The following GLB1 variants were observed in gnomAD, a reference collection of about 807,000 sequenced individuals.
GLB1 encodes beta-galactosidase.
GLB1 carries 56 observed loss-of-function variants against 74.0 expected under a neutral mutation model. That is an observed-to-expected ratio of 0.76 (90% confidence interval 0.61 to 0.94). GLB1 has a LOEUF of 0.94. GLB1 is among the 40% of genes least tolerant of loss of function. GLB1 has a pLI of 0.00. For synonymous variants in GLB1, 323 were observed against 323.6 expected, an observed-to-expected ratio of 1.00 and a Z score of 0.02; for missense variants, 787 against 845.5, an observed-to-expected ratio of 0.93 and a Z score of 0.86.
At chr3:32,976,370 A>G in the GLB1 span, among the ~76,000 whole-genome samples, 3 of 152,302 alleles carry the variant, frequency 2.0e-5, no homozygotes, top group East Asian at 1.9e-4. Context: ...TTTCCCCTCC[A>G]TGGCTGGTTC....
intron 15 of GLB1, among the ~76,000 whole-genome samples, chr3:32,998,461 A>G (rs1696408116): frequency 6.6e-6 from 1 of 151,206 alleles, no homozygotes; most frequent in Non-Finnish European, 1.5e-5. Context: ...GTGAGCTGAG[A>G]TTGCGCCACT....
chr3:33,090,367 A>C, intron 1 of GLB1: 1 of 983,738 alleles, frequency 1.0e-6, no homozygotes. Flanking sequence ...TACATGTACG[A>C]AAAGTTTAAA....
At chr3:33,025,175 T>C (rs1456988863) in intron 10 of GLB1, among the ~76,000 whole-genome samples, 1 of 152,104 alleles carries the variant, frequency 6.6e-6, no homozygotes, top group African/African-American at 2.4e-5. Flanking sequence ...GAACTCCTGA[T>C]CTCAGGTGAT....
At chr3:32,961,423 G>A in the GLB1 span, among the ~76,000 whole-genome samples, 7 of 152,234 alleles carry the variant, frequency 4.6e-5, no homozygotes, top group Non-Finnish European at 1.0e-4. Context: ...TGCACAGTGA[G>A]GTGCAGGAAG....
At chr3:33,096,118 A>G (rs1248425145) in intron 1 of GLB1, among the ~76,000 whole-genome samples, 1 of 152,182 alleles carries the variant, frequency 6.6e-6, no homozygotes, top group Non-Finnish European at 1.5e-5. Flanking sequence ...TCTTACTTAA[A>G]GCATACTGCA....
the GLB1 span, among the ~76,000 whole-genome samples, chr3:32,964,482 A>G: frequency 6.6e-5 from 10 of 152,334 alleles, no homozygotes; most frequent in East Asian, 1.3e-3. Flanking sequence ...TGTTCATTCT[A>G]TTACTAGAAA....
intron 14 of GLB1, among the ~76,000 whole-genome samples, chr3:33,016,033 A>T (rs1410164278): frequency 6.6e-6 from 1 of 152,180 alleles, no homozygotes; most frequent in Non-Finnish European, 1.5e-5. Context: ...TATTTGGGCT[A>T]CACATCTGGA....
At chr3:33,065,410 T>C (rs188480346) in intron 5 of GLB1, 53 bp downstream of exon 5, 34 of 1,545,474 alleles carry the variant, frequency 2.2e-5, no homozygotes, top group Non-Finnish European at 2.8e-5. Flanking sequence ...TTATGTAATG[T>C]AGATGGATGG....
the GLB1 span, among the ~76,000 whole-genome samples, chr3:32,981,836 T>G: frequency 6.6e-6 from 1 of 152,194 alleles, no homozygotes; most frequent in Non-Finnish European, 1.5e-5. Context: ...TGTTTTTTGG[T>G]TTGTATTTGC....
intron 10 of GLB1, among the ~76,000 whole-genome samples, chr3:33,041,635 T>G (rs1166067195): frequency 2.0e-5 from 3 of 146,696 alleles, no homozygotes; most frequent in African/African-American, 7.6e-5. Flanking sequence ...GCACTCATTC[T>G]GGACAACAGA....
At chr3:33,053,683 G>T in intron 6 of GLB1, 134 bp from the exon 7 acceptor site, 1 of 1,204,214 alleles carries the variant, frequency 8.3e-7, no homozygotes, top group Non-Finnish European at 1.2e-6. Flanking sequence ...AAATTCTCAT[G>T]TTGGAACTTA....
chr3:33,065,532 C>T lies in GLB1; in HGVS notation c.483G>A (p.Trp161Ter). The T allele has an allele frequency of 6.3e-7, 1 of 1,582,012 alleles. No individual in the cohort carries two copies. Among genetic ancestry groups the T allele is most frequent in the South Asian group, 1.1e-5 (1 of 87,204 alleles). The change falls in exon 5 of 16, where the codon TGG becomes TGA. Residue 161 changes from tryptophan to a stop codon, truncating the protein, a stop_gained. Transcript: ENST00000307363. LOFTEE classifies it high-confidence loss of function. ...DPDYLAAVDKWLGVLLPKMKP... is the reference protein window; with the variant it reads ...DPDYLAAVDK ...TCATCTTGGGCAGAAGGACTCCCAACCACTTGTCCACAGCTGCCAGGTAAT... is the reference window on the plus strand; with the variant it reads ...TCATCTTGGGCAGAAGGACTCCCAATCACTTGTCCACAGCTGCCAGGTAAT...
intron 9 of GLB1, among the ~76,000 whole-genome samples, chr3:33,051,326 G>A (rs997181489): frequency 3.3e-5 from 5 of 151,386 alleles, no homozygotes; most frequent in African/African-American, 1.2e-4. Context: ...GCCAGGCATG[G>A]TGGCTCACGC....
chr3:33,085,693 T>C (rs1700480683), intron 1 of GLB1, among the ~76,000 whole-genome samples: 1 of 143,340 alleles, frequency 7.0e-6, no homozygotes, highest in Admixed American at 7.0e-5. Flanking sequence ...AGGGCTAGAT[T>C]AAAAAAAAAA....
intron 1 of GLB1, among the ~76,000 whole-genome samples, chr3:33,085,379 C>A (rs1007458282): frequency 2.0e-5 from 3 of 151,756 alleles, no homozygotes; most frequent in African/African-American, 7.3e-5. Context: ...GTACTTTCCA[C>A]TCAATTTTGC....
At chr3:33,024,956 T>TG (rs1380432431) in intron 10 of GLB1, among the ~76,000 whole-genome samples, 1 of 152,094 alleles carries the variant, frequency 6.6e-6, no homozygotes, top group Non-Finnish European at 1.5e-5. Context: ...TCTTTTTTTT[T>TG]TTTTTTGAGA....
chr3:32,972,155 C>T, the GLB1 span, among the ~76,000 whole-genome samples: 1 of 152,100 alleles, frequency 6.6e-6, no homozygotes, highest in African/African-American at 2.4e-5. Flanking sequence ...TACCGTACCC[C>T]CATCTATATG....
chr3:32,990,081 T>A, the GLB1 span, among the ~76,000 whole-genome samples: 3 of 152,174 alleles, frequency 2.0e-5, no homozygotes, highest in Non-Finnish European at 4.4e-5. Flanking sequence ...GATCCCTGCA[T>A]CTCTCCTGCC....
chr3:33,094,110 G>C (rs375329469), intron 1 of GLB1: 1 of 1,614,240 alleles, frequency 6.2e-7, no homozygotes, highest in Non-Finnish European at 8.5e-7. Flanking sequence ...TGCCAGATAC[G>C]AGCGGGAGGC....
Sources: allele counts gnomAD v4.1 joint callset (sites outside exome capture counted in the v4.1 genomes callset), GRCh38; gene constraint gnomAD v4.1.1; transcripts MANE v1.5; gene names NCBI Gene and HGNC (gene_info 2026-07-23, HGNC 2026-07-21).